Variants in AQR observed in about 807,000 individuals in gnomAD.
AQR encodes aquarius intron-binding spliceosomal factor.
Under a neutral mutation model 180.5 loss-of-function variants are expected in AQR, and 61 were observed. The ratio of observed to expected loss-of-function variants is 0.34; its 90% CI spans 0.28 to 0.42. AQR has a LOEUF of 0.42. Among genes scored for constraint, AQR ranks in the 10% least tolerant of loss-of-function variants. The pLI is 1.00. For synonymous variants in AQR, 551 were observed against 588.8 expected (o/e 0.94, Z 0.93); for missense variants, 1,281 against 1,798.3 (o/e 0.71, Z 5.20).
At position 34,853,873 on chromosome 15, in the gene AQR, T is replaced by C. The variant is rs1431631721; in HGVS notation, c.*2919A>G. The C allele has an allele frequency of 2.0e-5, 3 of 152,170 alleles. No individual in the cohort carries two copies. Among genetic ancestry groups the C allele is most frequent in the East Asian group, 3.9e-4 (2 of 5,192 alleles). 9.4% of individuals were successfully genotyped at this position (152,170 alleles called of 1,614,324 possible). A position where few individuals can be genotyped will look rare whatever the true frequency, so the allele number is the denominator to read the frequency against. ...ATTTGTCTAAGGTCTAACCAAATGC[T>C]GATAAGCAAATTAGGTACAACTCTG... On this transcript the variant is annotated 3_prime_UTR_variant, in exon 35 of 35. Transcript: ENST00000156471.
At chr15:34,943,737 T>C (rs1894065927) in intron 6 of AQR, among the ~76,000 whole-genome samples, 1 of 152,138 alleles carries the variant, frequency 6.6e-6, no homozygotes, top group Non-Finnish European at 1.5e-5. Flanking sequence ...AATAAAATAT[T>C]ACTGAAAATA....
At chr15:34,936,926 C>T (rs1220612776) in intron 9 of AQR, among the ~76,000 whole-genome samples, 3 of 152,096 alleles carry the variant, frequency 2.0e-5, no homozygotes, top group Non-Finnish European at 4.4e-5. Context: ...CAATGTTATT[C>T]TTTGTGCCAA....
chr15:34,918,686 C>T (rs1038460754), intron 14 of AQR, among the ~76,000 whole-genome samples: 9 of 152,218 alleles, frequency 5.9e-5, no homozygotes, highest in African/African-American at 2.2e-4. Context: ...TGCCACACAT[C>T]TCAAGTTTCC....
Position 34,896,903 on chromosome 15 carries a change from C to T in AQR, c.2454G>A (p.Leu818=). The T allele has an allele frequency of 6.2e-7, 1 of 1,610,938 alleles. No homozygotes were observed. Among genetic ancestry groups the T allele is most frequent in the Non-Finnish European group, 8.5e-7 (1 of 1,177,066 alleles). ...EAIRAGMQPG[L]TMVVGPPGTG... is the part of the protein sequence containing the mutation. ...GGTGTAACAATTCTCTTACCATAGTCAGCCCAGGCTGCATTCCAGCACGGA... is the reference window on the plus strand; with the variant it reads ...GGTGTAACAATTCTCTTACCATAGTTAGCCCAGGCTGCATTCCAGCACGGA... Residue 818 remains leucine, a synonymous_variant, in exon 22 of 35, where the codon CTG becomes CTA. Coordinates refer to ENST00000156471, the MANE Select transcript of AQR (RefSeq NM_014691.3).
chr15:34,908,448 A>T (rs1246844870), intron 17 of AQR, among the ~76,000 whole-genome samples: 1 of 151,984 alleles, frequency 6.6e-6, no homozygotes, highest in Non-Finnish European at 1.5e-5. Flanking sequence ...AAAAAAAAAA[A>T]TGTATTATTG....
chr15:34,902,626 T>A (rs1893348809), intron 19 of AQR, among the ~76,000 whole-genome samples: 1 of 152,124 alleles, frequency 6.6e-6, no homozygotes, highest in South Asian at 2.1e-4. Flanking sequence ...TTCATAAGCT[T>A]CATCTTAGCA....
At chr15:34,913,454 T>C (rs1440410781) in intron 16 of AQR, among the ~76,000 whole-genome samples, 2 of 152,134 alleles carry the variant, frequency 1.3e-5, no homozygotes, top group Non-Finnish European at 2.9e-5. Flanking sequence ...TTCGACATTT[T>C]TAATAATTTT....
At chr15:34,938,627 A>G (rs1332050270) in intron 9 of AQR, 110 bp downstream of exon 9, 2 of 713,918 alleles carry the variant, frequency 2.8e-6, no homozygotes, top group Non-Finnish European at 4.8e-6. Flanking sequence ...ACACTTTGCC[A>G]ATACAATTTA....
Position 34,882,490 on chromosome 15 carries a change from A to C in AQR, c.3165+12T>G. The C allele has an allele frequency of 1.3e-6, 2 of 1,490,754 alleles. No homozygotes were observed. Among genetic ancestry groups the C allele is most frequent in the Admixed American group, 2.4e-5 (1 of 42,390 alleles). 92.3% of individuals were successfully genotyped at this position (1,490,754 alleles called of 1,614,324 possible). On this transcript the variant is annotated intron_variant, in intron 27 of 34. Transcript: ENST00000156471. The stretch of plus-strand genomic sequence containing the variant: ...TAAAAAAAAAAAAAAAAAAACTACC[A>C]TAAGTCTTTACCTTGAAACCTAGCT...
At chr15:34,969,481 G>A in intron 1 of AQR, 58 bp downstream of exon 1, 3 of 1,591,254 alleles carry the variant, frequency 1.9e-6, no homozygotes, top group South Asian at 1.1e-5. Context: ...CCCACCACCA[G>A]GCCTCGGGGC....
At chr15:34,911,927 AC>A (rs1275606045) in intron 16 of AQR, among the ~76,000 whole-genome samples, 1 of 145,010 alleles carries the variant, frequency 6.9e-6, no homozygotes, top group Non-Finnish European at 1.5e-5. Flanking sequence ...TTCAGGTCTT[AC>A]GTTAAAATCT....
At chr15:34,895,187 A>AAATATATATAT (rs1555423886) in intron 22 of AQR, among the ~76,000 whole-genome samples, 1 of 12,956 alleles carries the variant, frequency 7.7e-5, no homozygotes, top group Non-Finnish European at 1.5e-4. Flanking sequence ...AAAAAAAAAA[A>AAATATATATAT]ATATATATAT....
chr15:34,891,939 AAT>A (rs747968962), intron 23 of AQR, among the ~76,000 whole-genome samples: 1 of 152,146 alleles, frequency 6.6e-6, no homozygotes, highest in African/African-American at 2.4e-5. Flanking sequence ...AATATATAAA[AAT>A]ATGTCAGGCA....
chr15:34,865,617 T>C (rs12591695), intron 32 of AQR, among the ~76,000 whole-genome samples: 6,613 of 152,308 alleles, frequency 0.043, 203 homozygotes, highest in East Asian at 0.12. Context: ...TGCATATTCA[T>C]AGCAGCATTA....
chr15:34,954,521 G>A (rs891154091), intron 3 of AQR, among the ~76,000 whole-genome samples: 1 of 151,840 alleles, frequency 6.6e-6, no homozygotes, highest in Non-Finnish European at 1.5e-5. Flanking sequence ...TGCCCAGACT[G>A]GTTTCAAACT....
At chr15:34,924,590 C>T (rs890473229) in intron 13 of AQR, among the ~76,000 whole-genome samples, 2 of 152,016 alleles carry the variant, frequency 1.3e-5, no homozygotes, top group African/African-American at 2.4e-5. Context: ...CACCACCACA[C>T]GTGGCTAATT....
chr15:34,918,340 C>T lies in AQR; in HGVS notation c.1260G>A (p.Gln420=). ...TTGGATACAAAGGCATCTGGTTCAACTGCTGAATCTGAGAAATTCGACGTT... is the reference window on the plus strand; with the variant it reads ...TTGGATACAAAGGCATCTGGTTCAATTGCTGAATCTGAGAAATTCGACGTT... ...RHERRISQIQ[Q]LNQMPLYPTE... The change falls in exon 15 of 35, where the codon CAG becomes CAA. Residue 420 remains glutamine, a synonymous_variant. Coordinates refer to ENST00000156471, the MANE Select transcript of AQR (RefSeq NM_014691.3). The T allele has an allele frequency of 3.1e-6, 5 of 1,613,794 alleles. No individual in the cohort carries two copies. Among genetic ancestry groups the T allele is most frequent in the Non-Finnish European group, 3.4e-6 (4 of 1,179,894 alleles).
At chr15:34,871,877 T>C (rs1892823435) in intron 30 of AQR, among the ~76,000 whole-genome samples, 1 of 151,930 alleles carries the variant, frequency 6.6e-6, no homozygotes, top group African/African-American at 2.4e-5. Context: ...CACAAAGCTC[T>C]TTGGTCCAGT....
At chr15:34,911,900 T>A (rs1893505371) in intron 16 of AQR, among the ~76,000 whole-genome samples, 1 of 91,954 alleles carries the variant, frequency 1.1e-5, no homozygotes, top group South Asian at 5.0e-4. Context: ...TATGTTTTCT[T>A]CTCGGAGTTT....
Sources: allele counts gnomAD v4.1 joint callset (sites outside exome capture counted in the v4.1 genomes callset), GRCh38; gene constraint gnomAD v4.1.1; transcripts MANE v1.5; gene names NCBI Gene and HGNC (gene_info 2026-07-23, HGNC 2026-07-21).